CREM: variants seen among roughly 807,000 people sequenced by gnomAD.
The protein encoded by CREM is cAMP responsive element modulator, also known as cAMP-responsive element modulator.
In CREM, 13 loss-of-function variants were observed where a neutral mutation model predicts 37.3. The ratio of observed to expected loss-of-function variants is 0.35; its 90% CI spans 0.23 to 0.55. The LOEUF (loss-of-function observed/expected upper bound fraction) is 0.55, where lower values mean the gene tolerates loss of function less well. CREM is among the 20% of genes least tolerant of loss of function. The probability of loss-of-function intolerance (pLI) is 0.88; values close to 1 mark genes in which losing one functional copy is unlikely to be tolerated. For missense variants in CREM, 296 were observed against 362.3 expected (o/e 0.82, Z 1.49); for synonymous variants, 124 against 120.2 (o/e 1.03, Z -0.21).
chr10:35,201,515 G>C (rs1247974441), intron 6 of CREM: 1 of 1,551,560 alleles, frequency 6.4e-7, no homozygotes, highest in Non-Finnish European at 8.7e-7. Context: ...CTAGAACCCA[G>C]ACTCCAAACC....
intron 5 of CREM, among the ~76,000 whole-genome samples, chr10:35,182,352 C>A (rs2094388055): frequency 6.6e-6 from 1 of 151,054 alleles, no homozygotes; most frequent in Non-Finnish European, 1.5e-5. Context: ...TGGAGATTTT[C>A]CTATTTTTTT....
chr10:35,167,916 G>A, intron 3 of CREM: 3 of 920,166 alleles, frequency 3.3e-6, no homozygotes, highest in Non-Finnish European at 5.1e-6. Context: ...TTTTGTTCTT[G>A]CGATAGTTTA....
At chr10:35,175,557 A>T in intron 3 of CREM, 1 of 925,664 alleles carries the variant, frequency 1.1e-6, no homozygotes, top group Non-Finnish European at 1.7e-6. Flanking sequence ...GTGAGGTCGT[A>T]GTGAGGTAGT....
chr10:35,190,883 C>T (rs200862368), intron 6 of CREM, among the ~76,000 whole-genome samples: 3 of 152,000 alleles, frequency 2.0e-5, no homozygotes, highest in Admixed American at 1.3e-4. Context: ...AGGATGGTCT[C>T]GATCTCCTGA....
At chr10:35,156,996 C>A (rs946174245) in intron 3 of CREM, among the ~76,000 whole-genome samples, 39 of 152,110 alleles carry the variant, frequency 2.6e-4, no homozygotes, top group African/African-American at 8.9e-4. Context: ...AAATCCTTAA[C>A]AAAATACTAG....
Position 35,178,919 on chromosome 10 carries a change from G to A in CREM, c.199G>A (p.Ala67Thr), listed in dbSNP as rs769077047. ...VAAIAETDES[A>T]ESEGVIDSHK... ...AGCAATTGCAGAGACAGATGAATCT[G>A]CAGAATCAGAAGGTGTAATTGATTC... Residue 67 changes from alanine to threonine, a missense_variant, in exon 4 of 8, where the codon GCA (alanine) becomes ACA (threonine). Physicochemically the swap from Ala to Thr is moderately conservative, Grantham distance 58. This residue lies in a region of CREM where 257 missense variants were observed against 280.2 expected (regional missense o/e 0.92). Transcript: ENST00000685392. The A allele has an allele frequency of 1.9e-6, 3 of 1,613,432 alleles. No homozygotes were observed. Among genetic ancestry groups the A allele is most frequent in the Non-Finnish European group, 1.7e-6 (2 of 1,179,706 alleles).
rs1182886544 is a variant in CREM, at chr10:35,211,320, T to C, written c.822T>C (p.Ala274=). ...TCAAATGTCTTGAAAATCGTGTGGCTGTGCTTGAAAACCAAAACAAGACTC... is the reference window on the plus strand; with the variant it reads ...TCAAATGTCTTGAAAATCGTGTGGCCGTGCTTGAAAACCAAAACAAGACTC... ...EYVKCLENRV[A]VLENQNKTLI... The change falls in exon 8 of 8, where the codon GCT becomes GCC. Residue 274 remains alanine, a synonymous_variant. Coordinates refer to ENST00000685392, the MANE Select transcript of CREM (RefSeq NM_183011.2). 6.2e-7 allele frequency: 1 copy of C among 1,614,024 alleles called. No individual in the cohort carries two copies. The highest frequency in any genetic ancestry group is 2.2e-5 in the East Asian group (1 of 44,856).
At chr10:35,174,499 T>C (rs1402225708) in intron 3 of CREM, among the ~76,000 whole-genome samples, 2 of 152,226 alleles carry the variant, frequency 1.3e-5, no homozygotes, top group African/African-American at 4.8e-5. Context: ...ATCTTAGTTA[T>C]TTGTTATAAA....
intron 1 of CREM, 105 bp downstream of exon 1, chr10:35,127,298 A>G (rs997928779): frequency 1.3e-5 from 2 of 152,938 alleles, no homozygotes; most frequent in Admixed American, 1.3e-4. Context: ...GCGGTGGAGC[A>G]GCAGAGGCCG....
chr10:35,186,955 A>G (rs1443665240), intron 5 of CREM, among the ~76,000 whole-genome samples: 1 of 98,378 alleles, frequency 1.0e-5, no homozygotes, highest in Non-Finnish European at 1.8e-5. Flanking sequence ...AATTATATAT[A>G]TAAATATATA....
At chr10:35,130,085 A>C (rs1049053097) in intron 1 of CREM, among the ~76,000 whole-genome samples, 1 of 151,764 alleles carries the variant, frequency 6.6e-6, no homozygotes, top group Non-Finnish European at 1.5e-5. Flanking sequence ...AATTGTGGCT[A>C]CTTGGGAGGC....
chr10:35,208,714 G>T (rs544584570), intron 7 of CREM, among the ~76,000 whole-genome samples: 1 of 152,308 alleles, frequency 6.6e-6, no homozygotes, highest in African/African-American at 2.4e-5. Flanking sequence ...AAAAATTGGG[G>T]CTAGCTGAGG....
At position 35,197,351 on chromosome 10, in the gene CREM, A is replaced by C. The variant is rs190986427; in HGVS notation, c.598+8963A>C. Among the ~76,000 whole-genome samples the C allele has an allele frequency of 5.2e-3, 798 of 152,102 alleles. 1 individual carries two copies. Among genetic ancestry groups the C allele is most frequent in the Non-Finnish European group, 7.0e-3 (476 of 67,976 alleles). On this transcript the variant is annotated intron_variant, in intron 6 of 7. Transcript: ENST00000685392. ...GCCTTTGGAAATCATATTTTTAAAA[A>C]TCTGGTCATTTCTTACAGAATCAGT...
At chr10:35,197,538 G>A (rs1053194870) in intron 6 of CREM, among the ~76,000 whole-genome samples, 1 of 151,446 alleles carries the variant, frequency 6.6e-6, no homozygotes, top group Non-Finnish European at 1.5e-5. Flanking sequence ...CTGCAAGCTC[G>A]GCCTCCCGGG....
At chr10:35,165,181 C>G (rs753055466) in intron 3 of CREM, among the ~76,000 whole-genome samples, 2 of 152,012 alleles carry the variant, frequency 1.3e-5, no homozygotes, top group Non-Finnish European at 2.9e-5. Flanking sequence ...GCACCAGTAT[C>G]TGCTTCTAGG....
intron 6 of CREM, chr10:35,201,600 C>A: frequency 6.1e-6 from 8 of 1,319,330 alleles, no homozygotes; most frequent in African/African-American, 1.5e-5. Context: ...ATTGAGAGTT[C>A]TAGGAATTTT....
chr10:35,134,689 C>G (rs566505265), intron 1 of CREM, among the ~76,000 whole-genome samples: 12 of 152,188 alleles, frequency 7.9e-5, no homozygotes, highest in African/African-American at 2.4e-4. Flanking sequence ...ATAGCATAAT[C>G]AACATATTTT....
At chr10:35,164,705 A>G (rs2093452003) in intron 3 of CREM, among the ~76,000 whole-genome samples, 1 of 152,232 alleles carries the variant, frequency 6.6e-6, no homozygotes, top group East Asian at 1.9e-4. Context: ...AAAACAACTT[A>G]AAGATGCAAT....
chr10:35,150,944 G>A (rs1385161551), intron 3 of CREM, among the ~76,000 whole-genome samples: 1 of 151,604 alleles, frequency 6.6e-6, no homozygotes, highest in Non-Finnish European at 1.5e-5. Flanking sequence ...GTAGTCTTAG[G>A]TTTCTGAGGG....
Sources: allele counts gnomAD v4.1 joint callset (sites outside exome capture counted in the v4.1 genomes callset), GRCh38; gene constraint gnomAD v4.1.1; regional missense constraint gnomAD v4.1.1; transcripts MANE v1.5; gene names NCBI Gene and HGNC (gene_info 2026-07-23, HGNC 2026-07-21).